The following COL13A1 variants were observed in gnomAD, a reference collection of about 807,000 sequenced individuals.
COL13A1 encodes collagen type XIII alpha 1 chain.
Under a neutral mutation model 130.9 loss-of-function variants are expected in COL13A1, and 89 were observed. That is an observed-to-expected ratio of 0.68 (90% confidence interval 0.57 to 0.81). The LOEUF is 0.81. COL13A1 is among the 30% of genes least tolerant of loss of function. The pLI is 0.00. For synonymous variants in COL13A1, 402 were observed against 341.6 expected (o/e 1.18, Z -1.95); for missense variants, 879 against 934.6 (o/e 0.94, Z 0.78).
chr10:69,928,306 G>T (rs1237905232), intron 27 of COL13A1, among the ~76,000 whole-genome samples: 1 of 152,036 alleles, frequency 6.6e-6, no homozygotes, highest in East Asian at 1.9e-4. Context: ...ATATACCCAA[G>T]TATCAACCAC....
At chr10:69,924,188 G>T (rs533812130) in intron 24 of COL13A1, among the ~76,000 whole-genome samples, 2 of 152,346 alleles carry the variant, frequency 1.3e-5, no homozygotes, top group Admixed American at 6.5e-5. Flanking sequence ...AAGTGTTGTG[G>T]CAGTGGAGGA....
intron 40 of COL13A1, among the ~76,000 whole-genome samples, chr10:69,957,461 C>A (rs77747393): frequency 2.6e-5 from 4 of 152,154 alleles, no homozygotes; most frequent in African/African-American, 9.7e-5. Context: ...ACTGTGCCTC[C>A]CCTAGGGGCT....
chr10:69,831,859 A>C (rs754343493), intron 2 of COL13A1, among the ~76,000 whole-genome samples: 3 of 152,146 alleles, frequency 2.0e-5, no homozygotes, highest in Non-Finnish European at 4.4e-5. Context: ...CTTGTTAGTC[A>C]TGGTACTGTG....
At chr10:69,832,790 T>A (rs1009352460) in intron 2 of COL13A1, among the ~76,000 whole-genome samples, 1 of 152,184 alleles carries the variant, frequency 6.6e-6, no homozygotes, top group Admixed American at 6.5e-5. Context: ...CCAGCCACCA[T>A]GCGGAGCAGG....
chr10:69,906,670 C>T (rs1403697299), intron 17 of COL13A1, among the ~76,000 whole-genome samples: 1 of 152,142 alleles, frequency 6.6e-6, no homozygotes, highest in East Asian at 1.9e-4. Flanking sequence ...TTAGGCTCTA[C>T]TTCTTCACTG....
Position 69,883,466 on chromosome 10 carries a change from T to C in COL13A1, c.513+2913T>C, listed in dbSNP as rs574740605. On this transcript the variant is annotated intron_variant, in intron 7 of 40. Transcript: ENST00000645393. ...CTCAATTCACTCCATTCATATTTGTTAAGAGCCCAGTGCCTGCTAGGTGCT... is the reference window on the plus strand; with the variant it reads ...CTCAATTCACTCCATTCATATTTGTCAAGAGCCCAGTGCCTGCTAGGTGCT... Among the ~76,000 whole-genome samples, 323 of 152,294 alleles carry C rather than the reference T, an allele frequency of 2.1e-3. 1 individual carries two copies. Among genetic ancestry groups the C allele is most frequent in the African/African-American group, 7.3e-3 (302 of 41,546 alleles).
At chr10:69,818,583 G>C (rs1845218803) in intron 1 of COL13A1, among the ~76,000 whole-genome samples, 1 of 152,250 alleles carries the variant, frequency 6.6e-6, no homozygotes, top group Admixed American at 6.5e-5. Context: ...CTGCAAGAAA[G>C]AGGCCCAGGA....
intron 26 of COL13A1, 137 bp from the exon 27 acceptor site, chr10:69,926,950 G>C (rs1482531832): frequency 5.2e-6 from 6 of 1,151,532 alleles, no homozygotes; most frequent in Non-Finnish European, 7.8e-6. Context: ...GGGCCATGGA[G>C]CCCACCTGCA....
intron 24 of COL13A1, among the ~76,000 whole-genome samples, chr10:69,924,091 G>A (rs868238740): frequency 2.6e-5 from 4 of 152,152 alleles, no homozygotes; most frequent in Non-Finnish European, 4.4e-5. Flanking sequence ...AGAGCTTCCC[G>A]AGCCATTGGT....
At chr10:69,925,706 C>T in intron 25 of COL13A1, 98 bp from the exon 26 acceptor site, 1 of 841,462 alleles carries the variant, frequency 1.2e-6, no homozygotes, top group East Asian at 2.7e-5. Flanking sequence ...CCATGTGCAG[C>T]TAGGTGCAGC....
intron 36 of COL13A1, 90 bp from the exon 37 acceptor site, chr10:69,945,581 G>T: frequency 2.0e-6 from 3 of 1,538,088 alleles, no homozygotes; most frequent in Middle Eastern, 1.7e-4. Context: ...GACTGGAGAG[G>T]TTTCCTGTAT....
At chr10:69,924,067 C>T (rs1207269587) in intron 24 of COL13A1, among the ~76,000 whole-genome samples, 1 of 152,180 alleles carries the variant, frequency 6.6e-6, no homozygotes, top group Admixed American at 6.5e-5. Context: ...GGACATTTGA[C>T]CAGGGAGTGA....
At position 69,802,405 on chromosome 10, in the gene COL13A1, G is replaced by C; in HGVS notation, c.-19G>C. On this transcript the variant is annotated 5_prime_UTR_variant, in exon 1 of 41. Transcript: ENST00000645393. ...ATTTATTCTATTTATTTATTTATTG[G>C]TTCTCAAGACGCGAGAGGATGGTAG... 4.1e-6 allele frequency: 6 copies of C among 1,474,770 alleles called. No homozygotes were observed. Among genetic ancestry groups the C allele is most frequent in the Non-Finnish European group, 5.4e-6 (6 of 1,120,614 alleles). The allele number at this position is 1,474,770 out of a possible 1,614,324, so 91.4% of individuals were successfully genotyped here.
chr10:69,826,589 A>C (rs577270200), intron 2 of COL13A1, among the ~76,000 whole-genome samples: 2 of 152,258 alleles, frequency 1.3e-5, no homozygotes, highest in South Asian at 4.2e-4. Context: ...GAGCCAAAGG[A>C]GCTGGGGCTC....
intron 38 of COL13A1, among the ~76,000 whole-genome samples, chr10:69,949,950 G>GTGTGTTTGTGTGTGCGTGTGTGTGTGCA (rs2069175460): frequency 1.9e-5 from 2 of 107,400 alleles, no homozygotes; most frequent in African/African-American, 2.8e-5. Context: ...GTGTGTGTGC[G>GTGTGTTTGTGTGTGCGTGTGTGTGTGCA]TGTGTTTGTG....
At chr10:69,910,707 A>G (rs149777718) in intron 17 of COL13A1, among the ~76,000 whole-genome samples, 67 of 152,342 alleles carry the variant, frequency 4.4e-4, no homozygotes, top group African/African-American at 1.5e-3. Context: ...AATTTATGAC[A>G]CTGATCTACT....
At chr10:69,889,574 T>G in intron 10 of COL13A1, 134 bp downstream of exon 10, 1 of 1,137,506 alleles carries the variant, frequency 8.8e-7, no homozygotes, top group Middle Eastern at 2.0e-4. Context: ...TCCCCAGCTG[T>G]GTAAACCACA....
At chr10:69,884,443 T>A (rs1436303301) in intron 7 of COL13A1, among the ~76,000 whole-genome samples, 5 of 152,226 alleles carry the variant, frequency 3.3e-5, no homozygotes, top group Admixed American at 2.0e-4. Flanking sequence ...GAGACACAAC[T>A]GACCATCTCT....
At chr10:69,809,540 A>C (rs1419302667) in intron 1 of COL13A1, among the ~76,000 whole-genome samples, 2 of 152,238 alleles carry the variant, frequency 1.3e-5, no homozygotes, top group Non-Finnish European at 2.9e-5. Context: ...CCATGGTCAC[A>C]CAGTAAGTGA....
Sources: gnomAD v4.1 joint callset for allele counts (sites outside exome capture counted in the v4.1 genomes callset) on GRCh38, gnomAD v4.1.1 for gene constraint, MANE v1.5 for transcripts, NCBI Gene and HGNC (gene_info 2026-07-23, HGNC 2026-07-21) for gene names.